TBC1D12: variants seen among roughly 807,000 people sequenced by gnomAD.
TBC1D12 encodes the protein TBC1 domain family, member 12.
A neutral mutation model predicts 86.7 loss-of-function variants in TBC1D12; 56 were observed. The observed-to-expected ratio is 0.65, with a 90% CI of 0.52 to 0.81. TBC1D12 has a LOEUF of 0.81. TBC1D12 is among the 30% of genes least tolerant of loss of function. TBC1D12 has a pLI of 0.00. For missense variants in TBC1D12, 1,023 were observed against 1,038.8 expected, an observed-to-expected ratio of 0.98 and a Z score of 0.21; for synonymous variants, 421 against 411.7, an observed-to-expected ratio of 1.02 and a Z score of -0.27.
intron 1 of TBC1D12, among the ~76,000 whole-genome samples, chr10:94,415,398 G>C (rs779103165): frequency 2.0e-5 from 3 of 152,138 alleles, no homozygotes; most frequent in Non-Finnish European, 2.9e-5. Context: ...AGGACTTGTG[G>C]TTCAGAATTC....
chr10:94,489,124 T>G (rs1425772726), intron 3 of TBC1D12, among the ~76,000 whole-genome samples: 1 of 152,172 alleles, frequency 6.6e-6, no homozygotes, highest in Non-Finnish European at 1.5e-5. Context: ...TCAAGTTCAC[T>G]TAGGATCCCA....
intron 2 of TBC1D12, among the ~76,000 whole-genome samples, chr10:94,456,933 A>G (rs1364745901): frequency 6.6e-6 from 1 of 152,102 alleles, no homozygotes; most frequent in African/African-American, 2.4e-5. Context: ...TTTATTCCTG[A>G]TAACTTTCCT....
In TBC1D12 at chr10:94,497,226, TC is replaced by T. The variant is rs2056332236; in HGVS notation, c.1412+55del. 45 of 1,067,596 alleles carry T rather than the reference TC, an allele frequency of 4.2e-5. 2 individuals carry two copies. The South Asian group carries it at 6.7e-4, about 16-fold the overall frequency. The allele number at this position is 1,067,596 out of a possible 1,614,324, so 66.1% of individuals were successfully genotyped here. A position where few individuals can be genotyped will look rare whatever the true frequency, so the allele number is the denominator to read the frequency against. ...CATTTGTCTCCGAAGATCTCATGTT[TC>T]TTTTTTTTTTTTTAATTTATTATTA... is the stretch of plus-strand genomic sequence containing the variant. On this transcript the variant is annotated intron_variant, in intron 5 of 12. Coordinates refer to ENST00000225235, the MANE Select transcript of TBC1D12 (RefSeq NM_015188.2).
chr10:94,414,255 T>C (rs2054967703), intron 1 of TBC1D12, among the ~76,000 whole-genome samples: 1 of 152,118 alleles, frequency 6.6e-6, no homozygotes. Flanking sequence ...ACGTTATTCT[T>C]GTTAAGGTGG....
chr10:94,531,684 T>TTTATG lies in TBC1D12; in HGVS notation c.2259+229_2259+233dup, dbSNP rs1364578702. 1.1e-3 allele frequency among the ~76,000 whole-genome samples: 147 copies of TTTATG among 130,438 alleles called. 1 individual carries two copies. Among genetic ancestry groups the TTTATG allele is most frequent in the Non-Finnish European group, 1.8e-3 (111 of 60,782 alleles). 85.6% of individuals were successfully genotyped at this position (130,438 alleles called of 152,430 possible). A position where few individuals can be genotyped will look rare whatever the true frequency, so the allele number is the denominator to read the frequency against. On this transcript the variant is annotated intron_variant, in intron 12 of 12. Coordinates refer to ENST00000225235, the MANE Select transcript of TBC1D12 (RefSeq NM_015188.2). Reference sequence around the variant, plus strand: ...TTTATTTTATTTTATTTTATTTTATTTTATGTTATTTTATGTTATGTTATT... The same window carrying TTTATG: ...TTTATTTTATTTTATTTTATTTTATTTTATGTTATGTTATTTTATGTTATGTTATT...
intron 3 of TBC1D12, among the ~76,000 whole-genome samples, chr10:94,488,879 T>G (rs2095380): frequency 0.48 from 72,426 of 151,792 alleles, 17,646 homozygotes; most frequent in East Asian, 0.73. Flanking sequence ...TAAGATGCAA[T>G]ACAAAGTCCT....
At chr10:94,452,372 C>T (rs972805056) in intron 2 of TBC1D12, among the ~76,000 whole-genome samples, 6 of 152,044 alleles carry the variant, frequency 3.9e-5, no homozygotes, top group African/African-American at 7.2e-5. Flanking sequence ...TGTATAATGA[C>T]GTGTATCTAC....
intron 1 of TBC1D12, among the ~76,000 whole-genome samples, chr10:94,411,503 G>A (rs1295435570): frequency 6.6e-6 from 1 of 152,146 alleles, no homozygotes; most frequent in Non-Finnish European, 1.5e-5. Flanking sequence ...CAGGAGATTT[G>A]CTTGAGGCCA....
At chr10:94,418,606 C>G (rs2055031672) in intron 1 of TBC1D12, among the ~76,000 whole-genome samples, 1 of 151,852 alleles carries the variant, frequency 6.6e-6, no homozygotes, top group Non-Finnish European at 1.5e-5. Flanking sequence ...CAGTCTCACT[C>G]TGTCACCCAG....
intron 4 of TBC1D12, among the ~76,000 whole-genome samples, chr10:94,494,891 C>T (rs773319286): frequency 6.6e-6 from 1 of 151,796 alleles, no homozygotes; most frequent in East Asian, 1.9e-4. Flanking sequence ...GAGACGGGGT[C>T]GCACTTGTTA....
At chr10:94,455,508 C>T (rs1022466050) in intron 2 of TBC1D12, among the ~76,000 whole-genome samples, 8 of 152,108 alleles carry the variant, frequency 5.3e-5, no homozygotes, top group South Asian at 2.1e-4. Flanking sequence ...TCAGTGAACC[C>T]ATCTGGGTCT....
chr10:94,528,948 T>G (rs1279106409), intron 11 of TBC1D12, among the ~76,000 whole-genome samples: 1 of 152,066 alleles, frequency 6.6e-6, no homozygotes, highest in African/African-American at 2.4e-5. Context: ...TAAGCTTTAA[T>G]GTAGAAAAAT....
intron 6 of TBC1D12, among the ~76,000 whole-genome samples, chr10:94,502,009 A>G (rs892074140): frequency 6.6e-6 from 1 of 151,904 alleles, no homozygotes; most frequent in Non-Finnish European, 1.5e-5. Context: ...AAACAGGGCT[A>G]CAGAGCACGA....
At chr10:94,422,537 A>G (rs1026023297) in intron 1 of TBC1D12, among the ~76,000 whole-genome samples, 1 of 150,828 alleles carries the variant, frequency 6.6e-6, no homozygotes. Flanking sequence ...TACCTTATTT[A>G]TTTTTTCTTC....
chr10:94,514,643 ACACT>A (rs914562488), intron 9 of TBC1D12, among the ~76,000 whole-genome samples: 3 of 152,252 alleles, frequency 2.0e-5, no homozygotes, highest in Non-Finnish European at 2.9e-5. Flanking sequence ...ATACATACAC[ACACT>A]CTCTCATCCC....
Position 94,403,600 on chromosome 10 carries a change from C to T in TBC1D12, c.971+16C>T. The T allele has an allele frequency of 6.9e-7, 1 of 1,442,464 alleles. No homozygotes were observed. Among genetic ancestry groups the T allele is most frequent in the Non-Finnish European group, 9.0e-7 (1 of 1,105,916 alleles). The allele number at this position is 1,442,464 out of a possible 1,614,324, so 89.4% of individuals were successfully genotyped here. The stretch of plus-strand genomic sequence containing the variant: ...TCTTCACCAGGTACAGCGCAGGCTG[C>T]ATGGGACTCGGGGCGGGTCCGGGGC... On this transcript the variant is annotated intron_variant, in intron 1 of 12. Transcript: ENST00000225235.
intron 3 of TBC1D12, among the ~76,000 whole-genome samples, chr10:94,488,713 T>C (rs1008297418): frequency 6.6e-6 from 1 of 151,782 alleles, no homozygotes; most frequent in African/African-American, 2.4e-5. Context: ...TTAGTCAGCA[T>C]GTGATGAATC....
chr10:94,402,938 T>A lies in TBC1D12; in HGVS notation c.325T>A (p.Cys109Ser), dbSNP rs745976203. 6.4e-7 allele frequency: 1 copy of A among 1,551,922 alleles called. No individual in the cohort carries two copies. The highest frequency in any genetic ancestry group is 1.9e-5 in the Admixed American group (1 of 52,008). The change falls in exon 1 of 13, where the codon TGC (cysteine) becomes AGC (serine). Residue 109 changes from cysteine (C) to serine (S), a missense_variant. Cys to Ser is a moderately radical substitution (Grantham distance 112). Around this residue, in one of 2 missense-constraint regions of TBC1D12, gnomAD observed 628 missense variants for 531.1 expected, o/e 1.18. Transcript: ENST00000225235. Reference protein sequence around the residue: ...PPSAAPRSDACLLGSGSKHRG... With the variant: ...PPSAAPRSDASLLGSGSKHRG... The stretch of plus-strand genomic sequence containing the variant: ...CTCGGCAGCCCCACGATCGGACGCC[T>A]GCCTGCTGGGCTCGGGCTCCAAACA...
chr10:94,408,035 G>A (rs1432285650), intron 1 of TBC1D12, among the ~76,000 whole-genome samples: 1 of 152,068 alleles, frequency 6.6e-6, no homozygotes, highest in Non-Finnish European at 1.5e-5. Flanking sequence ...TAAGTAGAAT[G>A]GTTTATTTTT....
Sources: gnomAD v4.1 joint callset for allele counts (sites outside exome capture counted in the v4.1 genomes callset) on GRCh38, gnomAD v4.1.1 for gene constraint, gnomAD v4.1.1 regional missense constraint, MANE v1.5 for transcripts, NCBI Gene and HGNC (gene_info 2026-07-23, HGNC 2026-07-21) for gene names.